The following PRKCB variants were observed in gnomAD, a reference collection of about 807,000 sequenced individuals.
PRKCB encodes the protein protein kinase C beta.
In PRKCB, 13 loss-of-function variants were observed where a neutral mutation model predicts 81.5. The ratio of observed to expected loss-of-function variants is 0.16; its 90% CI spans 0.10 to 0.25. The LOEUF is 0.25. Among genes scored for constraint, PRKCB ranks in the 10% least tolerant of loss-of-function variants. PRKCB has a pLI of 1.00. For missense variants in PRKCB, 509 were observed against 875.7 expected, an observed-to-expected ratio of 0.58 and a Z score of 5.29; for synonymous variants, 335 against 321.4, an observed-to-expected ratio of 1.04 and a Z score of -0.45.
At chr16:24,207,173 T>A (rs1158583712) in intron 16 of PRKCB, among the ~76,000 whole-genome samples, 1 of 152,198 alleles carries the variant, frequency 6.6e-6, no homozygotes, top group Non-Finnish European at 1.5e-5. Flanking sequence ...CAAGCGATCC[T>A]CCTGCTGCCT....
intron 2 of PRKCB, among the ~76,000 whole-genome samples, chr16:23,918,398 A>T (rs1379900384): frequency 2.2e-5 from 3 of 137,514 alleles, no homozygotes; most frequent in Non-Finnish European, 4.8e-5. Flanking sequence ...TATTATTATT[A>T]TTATTTTTTT....
At chr16:23,983,711 GATA>G (rs796523228) in intron 2 of PRKCB, among the ~76,000 whole-genome samples, 22 of 152,060 alleles carry the variant, frequency 1.4e-4, no homozygotes, top group African/African-American at 5.3e-4. Context: ...AGATGAATAA[GATA>G]ATAATTGATT....
chr16:24,219,707 T>A lies in PRKCB; in HGVS notation c.*4891T>A. On this transcript the variant is annotated 3_prime_UTR_variant, in exon 17 of 17. Transcript: ENST00000643927. ...ACACACACACACACACACACACCAC[T>A]TTATGGCAATTCTTAACTGACATTC... 1.5e-6 allele frequency: 2 copies of A among 1,293,426 alleles called. No individual in the cohort carries two copies. Among genetic ancestry groups the A allele is most frequent in the Non-Finnish European group, 9.8e-7 (1 of 1,017,622 alleles). The allele number at this position is 1,293,426 out of a possible 1,614,324, so 80.1% of individuals were successfully genotyped here. A position where few individuals can be genotyped will look rare whatever the true frequency, so the allele number is the denominator to read the frequency against.
intron 2 of PRKCB, among the ~76,000 whole-genome samples, chr16:23,915,004 C>T (rs895012527): frequency 4.6e-5 from 7 of 152,172 alleles, no homozygotes; most frequent in South Asian, 4.1e-4. Flanking sequence ...CTGTGAAGCC[C>T]CTCTGGGCAG....
At chr16:23,968,129 G>A (rs1403104313) in intron 2 of PRKCB, among the ~76,000 whole-genome samples, 3 of 152,108 alleles carry the variant, frequency 2.0e-5, no homozygotes, top group Non-Finnish European at 2.9e-5. Context: ...TGTGCCTTCT[G>A]CTCTGAAGGA....
chr16:24,000,942 C>T (rs989405632), intron 3 of PRKCB, among the ~76,000 whole-genome samples: 5 of 151,910 alleles, frequency 3.3e-5, no homozygotes, highest in Non-Finnish European at 7.4e-5. Flanking sequence ...TTCTGTGACC[C>T]TCAGTTTATG....
intron 9 of PRKCB, among the ~76,000 whole-genome samples, chr16:24,140,568 T>C (rs770479623): frequency 2.6e-4 from 40 of 151,994 alleles, no homozygotes; most frequent in Non-Finnish European, 5.6e-4. Flanking sequence ...GATGCAGTCA[T>C]AGGGGTGTGG....
At chr16:24,003,386 GT>G (rs35881842) in intron 3 of PRKCB, among the ~76,000 whole-genome samples, 79,223 of 130,654 alleles carry the variant, frequency 0.61, 22,640 homozygotes, top group African/African-American at 0.71. Context: ...TCCTGCATTC[GT>G]TTTTTTTTTT....
intron 5 of PRKCB, among the ~76,000 whole-genome samples, chr16:24,041,800 G>A (rs1320003923): frequency 6.6e-6 from 1 of 151,734 alleles, no homozygotes; most frequent in Non-Finnish European, 1.5e-5. Context: ...CAAGACCAAC[G>A]TGACAAAACC....
Position 24,173,645 on chromosome 16 carries a change from T to G in PRKCB, c.1332-873T>G, listed in dbSNP as rs79490602. Among the ~76,000 whole-genome samples the G allele has an allele frequency of 5.9e-3, 897 of 152,330 alleles. 9 individuals carry two copies. The highest frequency in any genetic ancestry group is 0.02 in the African/African-American group (837 of 41,574). ...TGTCACACAAGACATGTCAAGACAC[T>G]TTACATAGTTCCCCAAAGCCCTGCC... On this transcript the variant is annotated intron_variant, in intron 11 of 16. Transcript: ENST00000643927.
At chr16:24,213,898 A>G (rs1312554969) in intron 16 of PRKCB, among the ~76,000 whole-genome samples, 3 of 152,206 alleles carry the variant, frequency 2.0e-5, no homozygotes, top group Admixed American at 2.0e-4. Context: ...AGAAATGGCA[A>G]TGGTTTTCTC....
At chr16:24,205,413 C>G (rs574790667) in intron 16 of PRKCB, among the ~76,000 whole-genome samples, 16 of 152,116 alleles carry the variant, frequency 1.1e-4, no homozygotes, top group South Asian at 4.2e-4. Flanking sequence ...CCTGGGCCTC[C>G]CAAAGTGCTG....
At chr16:24,186,666 T>C (rs1464461201) in intron 15 of PRKCB, among the ~76,000 whole-genome samples, 2 of 152,234 alleles carry the variant, frequency 1.3e-5, no homozygotes. Context: ...AGCCAGATGC[T>C]GGATGCACTG....
Position 24,172,427 on chromosome 16 carries a change from G to T in PRKCB, c.1331+66G>T. ...TGGGTAGGTTAGTGGTTCCTTTGAG[G>T]GTGTTTTTTTGCCAAAGAGGGATCT... is the stretch of plus-strand genomic sequence containing the variant. On this transcript the variant is annotated intron_variant, in intron 11 of 16. Coordinates refer to ENST00000643927, the MANE Select transcript of PRKCB (RefSeq NM_002738.7). 4 of 1,442,336 alleles carry T rather than the reference G, an allele frequency of 2.8e-6. No homozygotes were observed. The South Asian group carries it at 4.8e-5, about 17-fold the overall frequency. 89.3% of individuals were successfully genotyped at this position (1,442,336 alleles called of 1,614,324 possible). A position where few individuals can be genotyped will look rare whatever the true frequency, so the allele number is the denominator to read the frequency against.
intron 9 of PRKCB, 83 bp downstream of exon 9, chr16:24,124,064 C>A (rs576546931): frequency 1.3e-5 from 20 of 1,493,278 alleles, no homozygotes; most frequent in African/African-American, 4.2e-5. Flanking sequence ...ATGGGACGGA[C>A]GTCCTAGTGG....
chr16:23,891,528 G>T (rs1291196865), intron 2 of PRKCB, among the ~76,000 whole-genome samples: 1 of 152,104 alleles, frequency 6.6e-6, no homozygotes, highest in Admixed American at 6.6e-5. Flanking sequence ...AGGGGCAGGG[G>T]CTCTCTTGGA....
At chr16:23,874,568 CT>C (rs58560122) in intron 2 of PRKCB, among the ~76,000 whole-genome samples, 56 of 133,052 alleles carry the variant, frequency 4.2e-4, no homozygotes, top group African/African-American at 7.2e-4. Flanking sequence ...ATTCTTCTCT[CT>C]TTTTTTTTTT....
rs1022445433 is a variant in PRKCB at position 24,069,905 on chromosome 16, C to T, written c.530-22886C>T. 3.3e-5 allele frequency among the ~76,000 whole-genome samples: 5 copies of T among 152,340 alleles called. No homozygotes were observed. The East Asian group carries it at 9.6e-4, about 29-fold the overall frequency. On this transcript the variant is annotated intron_variant, in intron 5 of 16. Coordinates refer to ENST00000643927, the MANE Select transcript of PRKCB (RefSeq NM_002738.7). The stretch of plus-strand genomic sequence containing the variant: ...GATTCTTCTCCATTCCCAACGGGTA[C>T]TCCCGAGATGACGTGATTCATGGCC...
At chr16:24,201,255 T>A (rs529206382) in intron 16 of PRKCB, among the ~76,000 whole-genome samples, 2 of 152,348 alleles carry the variant, frequency 1.3e-5, no homozygotes, top group African/African-American at 4.8e-5. Context: ...CAAATAGGAA[T>A]CTGATTTAAA....
Sources: allele counts gnomAD v4.1 joint callset (sites outside exome capture counted in the v4.1 genomes callset), GRCh38; gene constraint gnomAD v4.1.1; transcripts MANE v1.5; gene names NCBI Gene and HGNC (gene_info 2026-07-23, HGNC 2026-07-21).